The following SLC8A1 variants were observed in gnomAD, a reference collection of about 807,000 sequenced individuals.
SLC8A1 encodes solute carrier family 8 member A1.
A neutral mutation model predicts 68.3 loss-of-function variants in SLC8A1; 18 were observed. That is an observed-to-expected ratio of 0.26 (90% CI 0.18 to 0.39). SLC8A1 has a LOEUF of 0.39. Among genes scored for constraint, SLC8A1 ranks in the 10% least tolerant of loss-of-function variants. SLC8A1 has a pLI of 1.00. For synonymous variants in SLC8A1, 475 were observed against 415.5 expected (o/e 1.14, Z -1.74); for missense variants, 985 against 1,156.7 (o/e 0.85, Z 2.15).
chr2:40,109,916 T>G (rs533136412), exon 8 of SLC8A1: 3 of 152,284 alleles, frequency 2.0e-5, no homozygotes, highest in Non-Finnish European at 4.4e-5. Flanking sequence ...AACTACTAAG[T>G]CATATTGCTT....
At chr2:40,152,853 T>C (rs974735145) in intron 6 of SLC8A1, among the ~76,000 whole-genome samples, 11 of 152,054 alleles carry the variant, frequency 7.2e-5, no homozygotes, top group South Asian at 2.1e-4. Context: ...TCCCAGCTAC[T>C]CAGGAGGGTG....
upstream of SLC8A1, among the ~76,000 whole-genome samples, chr2:40,452,802 C>T (rs925281717): frequency 4.0e-5 from 6 of 151,062 alleles, no homozygotes; most frequent in Admixed American, 6.6e-5. Flanking sequence ...GGGACAGAGT[C>T]TCTGTGTTGG....
At chr2:40,107,110 T>C (rs1303867464) in exon 8 of SLC8A1, 5 of 152,016 alleles carry the variant, frequency 3.3e-5, no homozygotes, top group Non-Finnish European at 7.4e-5. Context: ...TGGTCAAAGA[T>C]GTCCCGGTAT....
chr2:40,285,042 C>A (rs2068095526), intron 2 of SLC8A1, among the ~76,000 whole-genome samples: 1 of 152,120 alleles, frequency 6.6e-6, no homozygotes, highest in South Asian at 2.1e-4. Context: ...ACACAATCAT[C>A]TTTGAAAAAT....
At chr2:40,392,715 A>C (rs1367875163) in intron 2 of SLC8A1, among the ~76,000 whole-genome samples, 2 of 152,082 alleles carry the variant, frequency 1.3e-5, no homozygotes, top group East Asian at 3.9e-4. Flanking sequence ...TTTGTTAGTA[A>C]TGAAATGCCA....
At chr2:40,182,382 G>C (rs2148592341) in intron 2 of SLC8A1, among the ~76,000 whole-genome samples, 1 of 152,060 alleles carries the variant, frequency 6.6e-6, no homozygotes, top group East Asian at 1.9e-4. Context: ...AAAAACTGTG[G>C]TTTCTGGAAA....
At chr2:40,430,383 T>C in intron 1 of SLC8A1, 79 bp from the exon 2 acceptor site, 2 of 1,381,850 alleles carry the variant, frequency 1.4e-6, no homozygotes, top group Non-Finnish European at 1.9e-6. Context: ...ACTAATTACT[T>C]ATTTTTATTA....
At chr2:40,213,654 A>G (rs1231104426) in intron 2 of SLC8A1, among the ~76,000 whole-genome samples, 2 of 152,162 alleles carry the variant, frequency 1.3e-5, no homozygotes, top group Non-Finnish European at 2.9e-5. Flanking sequence ...AATCCCAAGG[A>G]CATTTTTTCC....
intron 2 of SLC8A1, among the ~76,000 whole-genome samples, chr2:40,218,014 G>A (rs985275225): frequency 3.3e-5 from 5 of 152,138 alleles, no homozygotes; most frequent in African/African-American, 9.7e-5. Flanking sequence ...TTAAGAGAAA[G>A]GGAACAATTA....
rs529986947 is a variant in SLC8A1, at chr2:40,373,239, G to A, written c.1808+55234C>T. Among the ~76,000 whole-genome samples, 3 of 152,136 alleles carry A rather than the reference G, an allele frequency of 2.0e-5. No individual in the cohort carries two copies. The South Asian group carries it at 6.2e-4, about 32-fold the overall frequency. On this transcript the variant is annotated intron_variant, in intron 2 of 7. Transcript: ENST00000406785. ...ATTGCAAAATTAAATTTATCTCTGG[G>A]TATGTGATTCTATCTCTTTACTAAT...
intron 6 of SLC8A1, among the ~76,000 whole-genome samples, chr2:40,152,527 C>G (rs2043626327): frequency 6.6e-6 from 1 of 152,002 alleles, no homozygotes; most frequent in African/African-American, 2.4e-5. Flanking sequence ...GCTTCAGCCT[C>G]CCTAGCGGCT....
intron 2 of SLC8A1, among the ~76,000 whole-genome samples, chr2:40,325,785 A>C (rs953816346): frequency 1.4e-5 from 2 of 147,384 alleles, no homozygotes; most frequent in Non-Finnish European, 3.0e-5. Flanking sequence ...TACAAAAAAA[A>C]AAAAAAAAAA....
At chr2:40,273,358 G>T (rs569520214) in intron 2 of SLC8A1, among the ~76,000 whole-genome samples, 1 of 151,910 alleles carries the variant, frequency 6.6e-6, no homozygotes, top group East Asian at 1.9e-4. Context: ...TTCCCAAAGC[G>T]CTGGGATTAC....
At chr2:40,144,037 C>G (rs975435814) in intron 6 of SLC8A1, among the ~76,000 whole-genome samples, 3 of 152,192 alleles carry the variant, frequency 2.0e-5, no homozygotes, top group Admixed American at 6.6e-5. Flanking sequence ...AAGAAATGCT[C>G]AAGTCCTTTA....
intron 2 of SLC8A1, among the ~76,000 whole-genome samples, chr2:40,408,096 GA>G (rs1435751583): frequency 2.0e-5 from 3 of 152,172 alleles, no homozygotes; most frequent in African/African-American, 7.2e-5. Context: ...TTTAGCCACA[GA>G]AACAGCCCTA....
At chr2:40,452,094 G>T (rs901800605), upstream of SLC8A1, 4 of 149,438 alleles carry the variant, frequency 2.7e-5, no homozygotes, top group South Asian at 1.9e-4. Flanking sequence ...CCGCGGCAGC[G>T]GGCAGCGGTG....
chr2:40,276,452 C>A (rs771148559), intron 2 of SLC8A1, among the ~76,000 whole-genome samples: 1 of 152,160 alleles, frequency 6.6e-6, no homozygotes, highest in Middle Eastern at 3.2e-3. Context: ...ATATTTTCCT[C>A]ATTTCAGAGA....
intron 1 of SLC8A1, among the ~76,000 whole-genome samples, chr2:40,474,926 T>C (rs900277025): frequency 6.6e-6 from 1 of 152,174 alleles, no homozygotes; most frequent in Non-Finnish European, 1.5e-5. Flanking sequence ...GAATAAGACA[T>C]AACAAATGTA....
chr2:40,459,815 C>T (rs1034872614), intron 1 of SLC8A1, among the ~76,000 whole-genome samples: 5 of 152,058 alleles, frequency 3.3e-5, no homozygotes, highest in African/African-American at 9.7e-5. Flanking sequence ...TCCATCATAC[C>T]TCCTTTTCCT....
Sources: gnomAD v4.1 joint callset for allele counts (sites outside exome capture counted in the v4.1 genomes callset) on GRCh38, gnomAD v4.1.1 for gene constraint, MANE v1.5 for transcripts, NCBI Gene and HGNC (gene_info 2026-07-23, HGNC 2026-07-21) for gene names.